The following PALLD variants were observed in gnomAD, a reference collection of about 807,000 sequenced individuals.
PALLD encodes palladin.
In PALLD, 61 loss-of-function variants were observed where a neutral mutation model predicts 123.5. The ratio of observed to expected loss-of-function variants is 0.49; its 90% confidence interval spans 0.40 to 0.61. PALLD has a LOEUF of 0.61. PALLD is among the 20% of genes least tolerant of loss of function. The probability of loss-of-function intolerance (pLI) is 0.00; values close to 1 mark genes in which losing one functional copy is unlikely to be tolerated. For missense variants in PALLD, 1,273 were observed against 1,377.0 expected (o/e 0.92, Z 1.20); for synonymous variants, 465 against 496.4 (o/e 0.94, Z 0.84).
chr4:168,626,044 A>T (rs1246127746), intron 2 of PALLD, among the ~76,000 whole-genome samples: 1 of 151,538 alleles, frequency 6.6e-6, no homozygotes, highest in Non-Finnish European at 1.5e-5. Context: ...CAGGCGGATC[A>T]CGAGGTCAGG....
At position 168,851,457 on chromosome 4, in the gene PALLD, T is replaced by A. The variant is rs1747771734; in HGVS notation, c.1965-39465T>A. Among the ~76,000 whole-genome samples, 4 of 152,036 alleles carry A rather than the reference T, an allele frequency of 2.6e-5. 1 individual carries two copies. The South Asian group carries it at 8.3e-4, about 32-fold the overall frequency. On this transcript the variant is annotated intron_variant, in intron 10 of 21. Transcript: ENST00000505667. ...ATCTCGGCTCACTGCAACCTCTGCCTCCCGGGTTCAAGCAATTCTCATGCT... is the reference window on the plus strand; with the variant it reads ...ATCTCGGCTCACTGCAACCTCTGCCACCCGGGTTCAAGCAATTCTCATGCT...
At chr4:168,876,342 CTGGA>C (rs1751749537) in intron 10 of PALLD, among the ~76,000 whole-genome samples, 1 of 152,252 alleles carries the variant, frequency 6.6e-6, no homozygotes, top group Non-Finnish European at 1.5e-5. Flanking sequence ...ACACAGACAT[CTGGA>C]ACTTCAGGGC....
At chr4:168,550,059 G>A (rs1236621069) in intron 2 of PALLD, among the ~76,000 whole-genome samples, 1 of 152,106 alleles carries the variant, frequency 6.6e-6, no homozygotes, top group African/African-American at 2.4e-5. Context: ...ATTAGCCATA[G>A]TGAATACAAC....
intron 2 of PALLD, among the ~76,000 whole-genome samples, chr4:168,636,191 A>T (rs1407038991): frequency 1.3e-5 from 2 of 152,162 alleles, no homozygotes; most frequent in Non-Finnish European, 2.9e-5. Context: ...TCAAACTCAG[A>T]ACTTCTGCCA....
At chr4:168,867,895 T>C (rs1750524989) in intron 10 of PALLD, among the ~76,000 whole-genome samples, 1 of 150,832 alleles carries the variant, frequency 6.6e-6, no homozygotes, top group South Asian at 2.1e-4. Flanking sequence ...TTGAACTAAT[T>C]TAAGTGAAGA....
chr4:168,648,678 T>G (rs754360759), intron 2 of PALLD: 1 of 152,214 alleles, frequency 6.6e-6, no homozygotes, highest in African/African-American at 2.4e-5. Flanking sequence ...ATCTTTATGC[T>G]TACACAAACT....
chr4:168,829,995 G>A (rs765678556), intron 10 of PALLD, among the ~76,000 whole-genome samples: 1 of 152,182 alleles, frequency 6.6e-6, no homozygotes, highest in Non-Finnish European at 1.5e-5. Context: ...ACTTTGGGAG[G>A]CCAAGGCAGG....
At chr4:168,795,674 C>G (rs907450899) in intron 10 of PALLD, among the ~76,000 whole-genome samples, 2 of 151,406 alleles carry the variant, frequency 1.3e-5, no homozygotes, top group East Asian at 1.9e-4. Context: ...TAATTGGGAG[C>G]TAATCATGAA....
chr4:168,830,231 C>CA (rs1156711141), intron 10 of PALLD, among the ~76,000 whole-genome samples: 21,256 of 72,896 alleles, frequency 0.29, 2,634 homozygotes, highest in South Asian at 0.31. Flanking sequence ...GACTTTGTCT[C>CA]AAAAAAAAAA....
At chr4:168,775,479 TCTC>T (rs1331937521) in intron 10 of PALLD, among the ~76,000 whole-genome samples, 4 of 152,290 alleles carry the variant, frequency 2.6e-5, no homozygotes, top group African/African-American at 9.6e-5. Context: ...GCAAATATTT[TCTC>T]CTACTCTGTG....
chr4:168,780,060 G>A (rs576020087), intron 10 of PALLD, among the ~76,000 whole-genome samples: 12 of 152,098 alleles, frequency 7.9e-5, no homozygotes, highest in African/African-American at 1.4e-4. Context: ...CACCATGCCC[G>A]ACTAATTTTG....
chr4:168,550,586 G>C (rs1403694328), intron 2 of PALLD, among the ~76,000 whole-genome samples: 2 of 152,218 alleles, frequency 1.3e-5, no homozygotes, highest in East Asian at 3.9e-4. Flanking sequence ...GAGCCACTGG[G>C]AGAGTCTCCC....
At chr4:168,863,057 A>T (rs1467646796) in intron 10 of PALLD, among the ~76,000 whole-genome samples, 1 of 152,190 alleles carries the variant, frequency 6.6e-6, no homozygotes, top group African/African-American at 2.4e-5. Flanking sequence ...AATAATGACT[A>T]TCGCTTTGAA....
At chr4:168,714,444 A>C (rs1409559131) in intron 10 of PALLD, among the ~76,000 whole-genome samples, 1 of 152,222 alleles carries the variant, frequency 6.6e-6, no homozygotes, top group African/African-American at 2.4e-5. Flanking sequence ...TTATTGATAG[A>C]GAAATACTAT....
Position 168,868,068 on chromosome 4 carries a change from C to A in PALLD, c.1965-22854C>A, listed in dbSNP as rs562335088. On this transcript the variant is annotated intron_variant, in intron 10 of 21. Transcript: ENST00000505667. ...TGTACTGGCTTCCTTTTTGTAGACC[C>A]TTCCATGATGGCCAGGAACTCTAGG... Among the ~76,000 whole-genome samples the A allele has an allele frequency of 1.6e-3, 250 of 152,250 alleles. 1 individual carries two copies. Among genetic ancestry groups the A allele is most frequent in the Admixed American group, 3.4e-3 (52 of 15,292 alleles).
chr4:168,895,307 G>A (rs540714383), intron 12 of PALLD, among the ~76,000 whole-genome samples: 23 of 152,274 alleles, frequency 1.5e-4, no homozygotes, highest in African/African-American at 3.8e-4. Flanking sequence ...GCTTGAACCC[G>A]GGAGGTGGAG....
chr4:168,745,669 C>A (rs906716602), intron 10 of PALLD, among the ~76,000 whole-genome samples: 1 of 151,980 alleles, frequency 6.6e-6, no homozygotes, highest in Admixed American at 6.6e-5. Context: ...GTTAAGAGTT[C>A]TCTTCTATTT....
intron 10 of PALLD, among the ~76,000 whole-genome samples, chr4:168,830,670 A>G (rs1280384790): frequency 6.6e-6 from 1 of 152,242 alleles, no homozygotes; most frequent in Non-Finnish European, 1.5e-5. Context: ...TCACAGGGAC[A>G]TTCAATTTTG....
chr4:168,498,379 C>T (rs1001370524), intron 1 of PALLD, among the ~76,000 whole-genome samples: 2 of 152,166 alleles, frequency 1.3e-5, no homozygotes, highest in Non-Finnish European at 2.9e-5. Context: ...GGCCTTATAG[C>T]ATATTTCACA....
Sources: allele counts gnomAD v4.1 joint callset (sites outside exome capture counted in the v4.1 genomes callset), GRCh38; gene constraint gnomAD v4.1.1; transcripts MANE v1.5; gene names NCBI Gene and HGNC (gene_info 2026-07-23, HGNC 2026-07-21).